OPCML: variants seen among roughly 807,000 people sequenced by gnomAD.
The protein encoded by OPCML is opioid-binding protein/cell adhesion molecule.
Under a neutral mutation model 37.8 loss-of-function variants are expected in OPCML, and 13 were observed. That is an observed-to-expected ratio of 0.34 (90% CI 0.22 to 0.55). The LOEUF (loss-of-function observed/expected upper bound fraction) is 0.55. Ranked by LOEUF, OPCML falls within the 20% of genes least tolerant of loss-of-function variation. The pLI is 0.91. For synonymous variants in OPCML, 176 were observed against 168.8 expected, an observed-to-expected ratio of 1.04 and a Z score of -0.33; for missense variants, 341 against 435.6, an observed-to-expected ratio of 0.78 and a Z score of 1.93.
intron 1 of OPCML, among the ~76,000 whole-genome samples, chr11:133,158,439 C>T (rs768405540): frequency 6.1e-4 from 93 of 152,202 alleles, no homozygotes; most frequent in African/African-American, 2.1e-3. Flanking sequence ...TGGTGGCTCA[C>T]GCCTGTAATA....
chr11:132,562,523 G>A (rs1426628441), intron 3 of OPCML, among the ~76,000 whole-genome samples: 1 of 152,072 alleles, frequency 6.6e-6, no homozygotes, highest in East Asian at 1.9e-4. Flanking sequence ...GAATTATAAA[G>A]CAGAACTGCA....
chr11:132,956,282 A>G (rs999022369), intron 1 of OPCML, among the ~76,000 whole-genome samples: 4 of 152,216 alleles, frequency 2.6e-5, no homozygotes, highest in African/African-American at 9.6e-5. Flanking sequence ...CGTGGCTAAC[A>G]AGCAATGAAG....
chr11:132,917,853 A>T (rs1452367731), intron 2 of OPCML, among the ~76,000 whole-genome samples: 1 of 151,870 alleles, frequency 6.6e-6, no homozygotes, highest in Non-Finnish European at 1.5e-5. Context: ...ATCATTTCAA[A>T]CTCCTGTACT....
At chr11:133,153,977 TGGTTGGA>T (rs1450067449) in intron 1 of OPCML, among the ~76,000 whole-genome samples, 2 of 151,134 alleles carry the variant, frequency 1.3e-5, no homozygotes, top group Non-Finnish European at 1.5e-5. Context: ...GCCCACTTTT[TGGTTGGA>T]GGACCCTGGG....
chr11:133,097,385 C>T (rs1050945881), intron 1 of OPCML, among the ~76,000 whole-genome samples: 4 of 152,042 alleles, frequency 2.6e-5, no homozygotes, highest in Non-Finnish European at 4.4e-5. Context: ...GTGTGATGCA[C>T]GTAAAGCATG....
chr11:133,044,745 G>A (rs1189898752), intron 1 of OPCML, among the ~76,000 whole-genome samples: 1 of 152,188 alleles, frequency 6.6e-6, no homozygotes, highest in Admixed American at 6.5e-5. Context: ...GCCAGGCTTT[G>A]AATCCCGGTA....
intron 1 of OPCML, chr11:133,423,325 A>G (rs1565626358): frequency 3.0e-6 from 3 of 985,374 alleles, no homozygotes; most frequent in Non-Finnish European, 3.6e-6. Context: ...CCACCTGACA[A>G]TGGGCATCTG....
At chr11:133,499,342 C>T (rs1202764478) in intron 1 of OPCML, among the ~76,000 whole-genome samples, 1 of 152,106 alleles carries the variant, frequency 6.6e-6, no homozygotes, top group Non-Finnish European at 1.5e-5. Flanking sequence ...AAAAATGGTG[C>T]CTAGCTTTGT....
intron 1 of OPCML, among the ~76,000 whole-genome samples, chr11:133,517,054 C>T (rs527541639): frequency 1.9e-4 from 29 of 152,270 alleles, no homozygotes; most frequent in Non-Finnish European, 4.1e-4. Context: ...AGCCATTAGA[C>T]GCATCTTGCC....
intron 2 of OPCML, among the ~76,000 whole-genome samples, chr11:132,924,762 T>C (rs1051328141): frequency 6.6e-6 from 1 of 152,246 alleles, no homozygotes; most frequent in Non-Finnish European, 1.5e-5. Context: ...TTTGCCATTA[T>C]CCTGCTCAAT....
In OPCML at chr11:133,277,771, A is replaced by AAT. The variant is rs200550673; in HGVS notation, c.61+254491_61+254492dup. On this transcript the variant is annotated intron_variant, in intron 1 of 7. Coordinates refer to ENST00000524381, the MANE Select transcript of OPCML (RefSeq NM_001012393.5). ...AGACCTTGACAATAACAGGTGCTTA[A>AAT]ATATATATATATGTATAATATACAT... Among the ~76,000 whole-genome samples the AAT allele has an allele frequency of 1.8e-3, 276 of 151,766 alleles. 1 individual carries two copies. The highest frequency in any genetic ancestry group is 3.9e-3 in the Admixed American group (59 of 15,182).
chr11:132,974,779 T>C (rs1334667926), intron 1 of OPCML, among the ~76,000 whole-genome samples: 1 of 152,044 alleles, frequency 6.6e-6, no homozygotes, highest in African/African-American at 2.4e-5. Flanking sequence ...TTCAACACTT[T>C]CTCTTCCTTC....
At chr11:132,994,195 T>A (rs1352725319) in intron 1 of OPCML, among the ~76,000 whole-genome samples, 1 of 152,004 alleles carries the variant, frequency 6.6e-6, no homozygotes, top group East Asian at 1.9e-4. Flanking sequence ...AGGGCGGGAG[T>A]CCCCGCGCCG....
intron 1 of OPCML, among the ~76,000 whole-genome samples, chr11:133,373,298 C>T (rs1944716359): frequency 6.6e-6 from 1 of 151,606 alleles, no homozygotes; most frequent in South Asian, 2.1e-4. Flanking sequence ...CGCAGGGGCT[C>T]ACACCTGTAA....
intron 2 of OPCML, among the ~76,000 whole-genome samples, chr11:132,859,845 C>T (rs896235364): frequency 6.6e-6 from 1 of 152,154 alleles, no homozygotes. Flanking sequence ...TATTCATTTC[C>T]ATCATTTTCT....
At chr11:132,809,919 G>C (rs1262397982) in intron 2 of OPCML, among the ~76,000 whole-genome samples, 1 of 152,072 alleles carries the variant, frequency 6.6e-6, no homozygotes. Flanking sequence ...GCGCGATCTC[G>C]GCTCACTGCA....
intron 3 of OPCML, among the ~76,000 whole-genome samples, chr11:132,563,609 C>T (rs969318540): frequency 6.6e-6 from 1 of 151,844 alleles, no homozygotes; most frequent in African/African-American, 2.4e-5. Context: ...CTATGTTATA[C>T]AAATTTTGCC....
chr11:133,194,205 C>CTT (rs34797390), intron 1 of OPCML, among the ~76,000 whole-genome samples: 18,396 of 106,908 alleles, frequency 0.17, 2,208 homozygotes, highest in African/African-American at 0.24. Flanking sequence ...CCTTCCCCCA[C>CTT]TTTTTTTTTT....
intron 1 of OPCML, among the ~76,000 whole-genome samples, chr11:133,040,891 C>G (rs187800397): frequency 8.5e-4 from 129 of 152,224 alleles, no homozygotes; most frequent in Admixed American, 1.5e-3. Context: ...AGCAACGATA[C>G]CTGTAGATTT....
Sources: allele counts gnomAD v4.1 joint callset (sites outside exome capture counted in the v4.1 genomes callset), GRCh38; gene constraint gnomAD v4.1.1; transcripts MANE v1.5; gene names NCBI Gene and HGNC (gene_info 2026-07-23, HGNC 2026-07-21).